The following ATXN7L1 variants were observed in gnomAD, a reference collection of about 807,000 sequenced individuals.
ATXN7L1 encodes ataxin-7-like protein 1.
Under a neutral mutation model 70.8 loss-of-function variants are expected in ATXN7L1, and 15 were observed. The ratio of observed to expected loss-of-function variants is 0.21; its 90% CI spans 0.14 to 0.33. The LOEUF (loss-of-function observed/expected upper bound fraction) is 0.33. ATXN7L1 is among the 10% of genes least tolerant of loss of function. ATXN7L1 has a pLI of 1.00. For synonymous variants in ATXN7L1, 440 were observed against 445.1 expected, an observed-to-expected ratio of 0.99 and a Z score of 0.14; for missense variants, 975 against 1,097.1, an observed-to-expected ratio of 0.89 and a Z score of 1.57.
At position 105,774,481 on chromosome 7, in the gene ATXN7L1, A is replaced by G. The variant is rs1182080357; in HGVS notation, c.355+14123T>C. Among the ~76,000 whole-genome samples the G allele has an allele frequency of 2.6e-5, 4 of 151,192 alleles. No homozygotes were observed. In the East Asian group the frequency reaches 7.8e-4, roughly 29 times the overall value. On this transcript the variant is annotated intron_variant, in intron 3 of 11. Transcript: ENST00000419735. The stretch of plus-strand genomic sequence containing the variant: ...ATTCTACTGCCTCAGCCTCCCTAGT[A>G]GCTGAGATAACAGATGTGTGCTACC...
intron 3 of ATXN7L1, among the ~76,000 whole-genome samples, chr7:105,736,998 T>C (rs1797451733): frequency 6.6e-6 from 1 of 152,220 alleles, no homozygotes; most frequent in Non-Finnish European, 1.5e-5. Context: ...CTGAAATAGT[T>C]TGAATAACAA....
intron 8 of ATXN7L1, among the ~76,000 whole-genome samples, chr7:105,622,282 T>TA: frequency 6.6e-6 from 1 of 152,368 alleles, no homozygotes; most frequent in Non-Finnish European, 1.5e-5. Context: ...GGTTGTCATC[T>TA]GGACAAATGT....
At chr7:105,699,892 C>T (rs1023354378) in intron 3 of ATXN7L1, among the ~76,000 whole-genome samples, 4 of 152,190 alleles carry the variant, frequency 2.6e-5, no homozygotes, top group Non-Finnish European at 5.9e-5. Context: ...CCCCCACAAT[C>T]CTCCTTAGAG....
In ATXN7L1 at chr7:105,831,683, G is replaced by C. The variant is rs533781585; in HGVS notation, c.251-42975C>G. Among the ~76,000 whole-genome samples the C allele has an allele frequency of 7.2e-5, 11 of 152,328 alleles. No individual in the cohort carries two copies. In the East Asian group the frequency reaches 1.7e-3, roughly 24 times the overall value. On this transcript the variant is annotated intron_variant, in intron 2 of 11. Transcript: ENST00000419735. ...TAGGAGATGAGAGTAGACCCAAGAT[G>C]CCAGTAAAATTCTGGATGCTGCTGC...
chr7:105,697,604 C>T (rs770756280), intron 3 of ATXN7L1, among the ~76,000 whole-genome samples: 15 of 151,278 alleles, frequency 9.9e-5, no homozygotes, highest in African/African-American at 2.9e-4. Context: ...GGTCCTGAGG[C>T]GACATACATC....
At chr7:105,762,228 CT>C (rs1280323265) in intron 3 of ATXN7L1, among the ~76,000 whole-genome samples, 2 of 152,216 alleles carry the variant, frequency 1.3e-5, no homozygotes, top group African/African-American at 4.8e-5. Context: ...AATGACTTTC[CT>C]GAGAATCACA....
rs540563261 is a variant in ATXN7L1 at position 105,777,614 on chromosome 7, A to G, written c.355+10990T>C. ...ATTCTGTCAGCAAATTCTGTCAGCT[A>G]CATTTCCAAAATAGATCTCGAGTTT... On this transcript the variant is annotated intron_variant, in intron 3 of 11. Coordinates refer to ENST00000419735, the MANE Select transcript of ATXN7L1 (RefSeq NM_020725.2). Among the ~76,000 whole-genome samples, 4 of 152,322 alleles carry G rather than the reference A, an allele frequency of 2.6e-5. No individual in the cohort carries two copies. The South Asian group carries it at 6.2e-4, about 24-fold the overall frequency.
At chr7:105,618,006 C>A (rs1323736176) in intron 9 of ATXN7L1, 1 of 456,782 alleles carries the variant, frequency 2.2e-6, no homozygotes. Flanking sequence ...GACACCCAGG[C>A]AGCCCCAATG....
chr7:105,628,390 T>C lies in ATXN7L1; in HGVS notation c.1203-4123A>G, dbSNP rs1215570717. Reference sequence around the variant, plus strand: ...AAAAACAAGAAGAAAATAGAGTTAGTAGTACAGGTATATGTAAGAAAGTTA... The same window carrying C: ...AAAAACAAGAAGAAAATAGAGTTAGCAGTACAGGTATATGTAAGAAAGTTA... On this transcript the variant is annotated intron_variant, in intron 7 of 11. Coordinates refer to ENST00000419735, the MANE Select transcript of ATXN7L1 (RefSeq NM_020725.2). Among the ~76,000 whole-genome samples, 4 of 152,166 alleles carry C rather than the reference T, an allele frequency of 2.6e-5. No homozygotes were observed. In the South Asian group the frequency reaches 6.2e-4, roughly 24 times the overall value.
chr7:105,711,954 A>G (rs140187221), intron 3 of ATXN7L1, among the ~76,000 whole-genome samples: 112 of 152,322 alleles, frequency 7.4e-4, no homozygotes, highest in Non-Finnish European at 1.4e-3. Flanking sequence ...CATTTTCCAT[A>G]CATCTTCTGA....
intron 4 of ATXN7L1, among the ~76,000 whole-genome samples, chr7:105,654,992 C>G (rs1800399746): frequency 6.6e-6 from 1 of 151,766 alleles, no homozygotes; most frequent in Admixed American, 6.6e-5. Context: ...GATCTGCCCG[C>G]TTCAGTCTCC....
rs537461356 is a variant in ATXN7L1 at position 105,796,979 on chromosome 7, G to A, written c.251-8271C>T. Among the ~76,000 whole-genome samples the A allele has an allele frequency of 1.8e-4, 28 of 152,218 alleles. No homozygotes were observed. The South Asian group carries it at 5.6e-3, about 30-fold the overall frequency. ...AAATGTGATCACTTTCTGTTTCTCAGATCTCTGGAAACCAAGGGCTCCATT... is the reference window on the plus strand; with the variant it reads ...AAATGTGATCACTTTCTGTTTCTCAAATCTCTGGAAACCAAGGGCTCCATT... On this transcript the variant is annotated intron_variant, in intron 2 of 11. Transcript: ENST00000419735.
intron 3 of ATXN7L1, among the ~76,000 whole-genome samples, chr7:105,674,980 C>T (rs1251830181): frequency 6.6e-6 from 1 of 152,130 alleles, no homozygotes; most frequent in Non-Finnish European, 1.5e-5. Flanking sequence ...GCCAGCGGTA[C>T]TTTCAAGGGA....
Position 105,654,213 on chromosome 7 carries a change from G to C in ATXN7L1, c.578+10853C>G, listed in dbSNP as rs191646759. ...CCAAACTGGCACCCCACCAATGCTT[G>C]GTAAGAACAAATGCTTTAGGTGGGG... On this transcript the variant is annotated intron_variant, in intron 4 of 11. Transcript: ENST00000419735. Among the ~76,000 whole-genome samples the C allele has an allele frequency of 5.3e-4, 80 of 152,338 alleles. 1 individual carries two copies. Among genetic ancestry groups the C allele is most frequent in the African/African-American group, 1.8e-3 (75 of 41,580 alleles).
Position 105,876,369 on chromosome 7 carries a change from G to C in ATXN7L1, c.181+9C>G. ...TAATAAAAGGAGGAGGAGGTGGTGGGGTTCTTACTGTCGGAGCAGTGTAAT... is the reference window on the plus strand; with the variant it reads ...TAATAAAAGGAGGAGGAGGTGGTGGCGTTCTTACTGTCGGAGCAGTGTAAT... On this transcript the variant is annotated intron_variant, in intron 1 of 11. Transcript: ENST00000419735. The C allele has an allele frequency of 8.8e-6, 14 of 1,594,496 alleles. No individual in the cohort carries two copies. Among genetic ancestry groups the C allele is most frequent in the Non-Finnish European group, 1.2e-5 (14 of 1,169,110 alleles).
At chr7:105,833,806 A>T (rs1301567338) in intron 2 of ATXN7L1, among the ~76,000 whole-genome samples, 2 of 152,224 alleles carry the variant, frequency 1.3e-5, no homozygotes, top group Non-Finnish European at 2.9e-5. Context: ...GCATTATTGG[A>T]TGAAGAAGAG....
At chr7:105,643,146 C>T in intron 4 of ATXN7L1, 25 bp from the exon 5 acceptor site, 7 of 1,487,938 alleles carry the variant, frequency 4.7e-6, no homozygotes, top group Non-Finnish European at 6.3e-6. Context: ...AACAAACACA[C>T]ACAATTGTCT....
intron 2 of ATXN7L1, chr7:105,819,601 G>C (rs1397445388): frequency 2.1e-5 from 19 of 905,672 alleles, no homozygotes; most frequent in Non-Finnish European, 3.3e-5. Context: ...GAGGTCGTAC[G>C]CTGTGAGGGC....
At chr7:105,805,638 G>A (rs1217303974) in intron 2 of ATXN7L1, among the ~76,000 whole-genome samples, 5 of 152,224 alleles carry the variant, frequency 3.3e-5, no homozygotes, top group African/African-American at 9.6e-5. Flanking sequence ...TAAATAGGAC[G>A]TGTGCGTGGC....
Sources: gnomAD v4.1 joint callset for allele counts (sites outside exome capture counted in the v4.1 genomes callset) on GRCh38, gnomAD v4.1.1 for gene constraint, MANE v1.5 for transcripts, NCBI Gene and HGNC (gene_info 2026-07-23, HGNC 2026-07-21) for gene names.